Variants in DDAH1 observed in about 807,000 individuals in gnomAD.
DDAH1 encodes N(G),N(G)-dimethylarginine dimethylaminohydrolase 1.
A neutral mutation model predicts 28.8 loss-of-function variants in DDAH1; 19 were observed. The ratio of observed to expected loss-of-function variants is 0.66; its 90% CI spans 0.46 to 0.97. DDAH1 has a LOEUF of 0.97. DDAH1 is among the 50% of genes least tolerant of loss of function. DDAH1 has a pLI of 0.00. For missense variants in DDAH1, 326 were observed against 375.9 expected (o/e 0.87, Z 1.10); for synonymous variants, 153 against 154.4 (o/e 0.99, Z 0.07).
chr1:85,501,455 T>C (rs936759189), intron 1 of DDAH1, among the ~76,000 whole-genome samples: 2 of 152,146 alleles, frequency 1.3e-5, no homozygotes, highest in Non-Finnish European at 2.9e-5. Flanking sequence ...CTTTGTAGAG[T>C]CTCACCCAGA....
chr1:85,574,816 C>T (rs574320747), intron 1 of DDAH1, among the ~76,000 whole-genome samples: 43 of 152,014 alleles, frequency 2.8e-4, no homozygotes, highest in African/African-American at 9.6e-4. Flanking sequence ...GAGGCCGAGG[C>T]GGGTGGATCA....
chr1:85,548,209 G>T (rs1658682779), intron 1 of DDAH1, among the ~76,000 whole-genome samples: 1 of 152,034 alleles, frequency 6.6e-6, no homozygotes, highest in African/African-American at 2.4e-5. Context: ...TTTTAATCAA[G>T]CAATAAAAAC....
chr1:85,454,708 A>G (rs1221197685), intron 1 of DDAH1, among the ~76,000 whole-genome samples: 2 of 152,344 alleles, frequency 1.3e-5, no homozygotes, highest in Non-Finnish European at 1.5e-5. Context: ...TACTGATTCT[A>G]TTACAATAAA....
At chr1:85,349,386 C>T (rs1183415142) in intron 4 of DDAH1, among the ~76,000 whole-genome samples, 1 of 152,206 alleles carries the variant, frequency 6.6e-6, no homozygotes, top group Non-Finnish European at 1.5e-5. Context: ...CAAACCACCA[C>T]ACTTGGCACT....
chr1:85,331,423 G>GTATGTATATGTATATATA (rs111876317), intron 4 of DDAH1, among the ~76,000 whole-genome samples: 2,057 of 148,506 alleles, frequency 0.014, 15 homozygotes, highest in African/African-American at 0.015. Context: ...ATTCATATAT[G>GTATGTATATGTATATATA]TATATATATA....
At chr1:85,574,144 A>G (rs1183391638) in intron 1 of DDAH1, among the ~76,000 whole-genome samples, 1 of 152,260 alleles carries the variant, frequency 6.6e-6, no homozygotes, top group Non-Finnish European at 1.5e-5. Flanking sequence ...TTCACCTAGT[A>G]ACCATTCAGC....
At chr1:85,563,146 T>A (rs967518647) in intron 1 of DDAH1, among the ~76,000 whole-genome samples, 3 of 152,134 alleles carry the variant, frequency 2.0e-5, no homozygotes, top group Non-Finnish European at 4.4e-5. Context: ...CCTGGGTTGA[T>A]GAGAGCTAGT....
intron 2 of DDAH1, among the ~76,000 whole-genome samples, chr1:85,491,499 G>A (rs1311758582): frequency 3.9e-5 from 6 of 152,142 alleles, no homozygotes; most frequent in Non-Finnish European, 7.3e-5. Flanking sequence ...TGTTCCCCAT[G>A]GCATGGAGAA....
Position 85,464,068 on chromosome 1 carries a change from C to T in DDAH1, c.303+675G>A, listed in dbSNP as rs1225833290. Among the ~76,000 whole-genome samples, 1 of 152,212 alleles carries T rather than the reference C, an allele frequency of 6.6e-6. No homozygotes were observed. Among genetic ancestry groups the T allele is most frequent in the Admixed American group, 6.5e-5 (1 of 15,290 alleles). Reference sequence around the variant, plus strand: ...TGAAACAACCATCTCTAATTAAACACGCTCGCTAGCACACACACCCAACAC... The same window carrying T: ...TGAAACAACCATCTCTAATTAAACATGCTCGCTAGCACACACACCCAACAC... On this transcript the variant is annotated intron_variant, in intron 1 of 5. Transcript: ENST00000284031. The surrounding 1 kb of genome is among the most constrained non-coding windows in gnomAD (Gnocchi z 4.4).
At chr1:85,360,687 C>A (rs1295656538) in intron 1 of DDAH1, among the ~76,000 whole-genome samples, 2 of 152,096 alleles carry the variant, frequency 1.3e-5, no homozygotes, top group African/African-American at 4.8e-5. Context: ...TGTAACTATG[C>A]AACATTTCAA....
chr1:85,434,350 C>CTTTAA (rs760596001), intron 1 of DDAH1, among the ~76,000 whole-genome samples: 1 of 151,802 alleles, frequency 6.6e-6, no homozygotes, highest in African/African-American at 2.4e-5. Context: ...TATGACATTT[C>CTTTAA]TTTAATTTTT....
At chr1:85,424,986 G>T (rs888553848) in intron 1 of DDAH1, among the ~76,000 whole-genome samples, 1 of 152,042 alleles carries the variant, frequency 6.6e-6, no homozygotes, top group African/African-American at 2.4e-5. Context: ...CTGTAGAAAA[G>T]AGTATCCCTT....
In DDAH1 at chr1:85,321,445, C is replaced by G. The variant is rs1661339508; in HGVS notation, c.*7G>C. The G allele has an allele frequency of 4.4e-6, 7 of 1,603,322 alleles. No homozygotes were observed. The East Asian group carries it at 1.6e-4, about 36-fold the overall frequency. ...GTCTTGCCGGCTACCGGGGGGGACT[C>G]TGCAGCTCAGGAGTCTACTTTCTTG... On this transcript the variant is annotated 3_prime_UTR_variant, in exon 6 of 6. Coordinates refer to ENST00000284031, the MANE Select transcript of DDAH1 (RefSeq NM_012137.4).
chr1:85,550,092 A>T (rs1033458980), intron 1 of DDAH1, among the ~76,000 whole-genome samples: 1 of 152,218 alleles, frequency 6.6e-6, no homozygotes, highest in Non-Finnish European at 1.5e-5. Context: ...TTGCAAGTCA[A>T]ATTACCGTCA....
chr1:85,369,275 G>A (rs1484160116), intron 1 of DDAH1, among the ~76,000 whole-genome samples: 2 of 148,420 alleles, frequency 1.3e-5, no homozygotes, highest in Non-Finnish European at 3.0e-5. Flanking sequence ...GCCCAGGCTC[G>A]GGGCATTCTA....
At chr1:85,441,787 G>T (rs1415340621) in intron 1 of DDAH1, among the ~76,000 whole-genome samples, 1 of 152,140 alleles carries the variant, frequency 6.6e-6, no homozygotes, top group Non-Finnish European at 1.5e-5. Flanking sequence ...TCAACTTTAT[G>T]TTTGCCATAC....
intron 1 of DDAH1, among the ~76,000 whole-genome samples, chr1:85,360,980 T>C (rs897274455): frequency 6.6e-5 from 10 of 152,216 alleles, no homozygotes; most frequent in Non-Finnish European, 1.2e-4. Flanking sequence ...ATGTTGATGA[T>C]ACTACATTAC....
intron 1 of DDAH1, among the ~76,000 whole-genome samples, chr1:85,536,952 T>TGC (rs1658298926): frequency 1.1e-4 from 1 of 9,424 alleles, no homozygotes; most frequent in African/African-American, 2.8e-4. Context: ...ATGTGGCATA[T>TGC]ATATATATAT....
chr1:85,499,607 G>A (rs537560736), intron 1 of DDAH1, among the ~76,000 whole-genome samples: 22 of 152,156 alleles, frequency 1.4e-4, no homozygotes, highest in African/African-American at 4.3e-4. Context: ...GCCAGGAGGC[G>A]GAGGTTGCAG....
Sources: gnomAD v4.1 joint callset for allele counts (sites outside exome capture counted in the v4.1 genomes callset) on GRCh38, gnomAD v4.1.1 for gene constraint, Gnocchi (gnomAD v3.1) non-coding constraint, MANE v1.5 for transcripts, NCBI Gene and HGNC (gene_info 2026-07-23, HGNC 2026-07-21) for gene names.